The following ROBO2 variants were observed in gnomAD, a reference collection of about 807,000 sequenced individuals.
The protein encoded by ROBO2 is roundabout guidance receptor 2, also known as roundabout homolog 2.
Under a neutral mutation model 160.8 loss-of-function variants are expected in ROBO2, and 53 were observed. The observed-to-expected ratio is 0.33, with a 90% CI of 0.26 to 0.41. The LOEUF (loss-of-function observed/expected upper bound fraction) is 0.41. Among genes scored for constraint, ROBO2 ranks in the 10% least tolerant of loss-of-function variants. The pLI is 1.00. For missense variants in ROBO2, 1,577 were observed against 1,722.4 expected, an observed-to-expected ratio of 0.92 and a Z score of 1.49; for synonymous variants, 664 against 611.7, an observed-to-expected ratio of 1.09 and a Z score of -1.26.
chr3:77,079,609 GT>G (rs1206966738), intron 1 of ROBO2, among the ~76,000 whole-genome samples: 1 of 152,190 alleles, frequency 6.6e-6, no homozygotes, highest in Non-Finnish European at 1.5e-5. Flanking sequence ...TGTGAAAGTA[GT>G]TTACCATAGT....
At chr3:76,988,775 A>G (rs963077100) in intron 2 of ROBO2, among the ~76,000 whole-genome samples, 2 of 152,042 alleles carry the variant, frequency 1.3e-5, no homozygotes, top group African/African-American at 4.8e-5. Flanking sequence ...TCCTTTCTGA[A>G]CTGCAGTTTG....
At chr3:76,610,981 GA>G (rs1339804540) in intron 2 of ROBO2, among the ~76,000 whole-genome samples, 1 of 152,230 alleles carries the variant, frequency 6.6e-6, no homozygotes, top group African/African-American at 2.4e-5. Context: ...TCAGCTGTGA[GA>G]GGGGACCCGA....
At chr3:76,225,127 G>A (rs35493703) in intron 2 of ROBO2, among the ~76,000 whole-genome samples, 9,619 of 152,172 alleles carry the variant, frequency 0.063, 299 homozygotes, top group African/African-American at 0.073. Flanking sequence ...TGAATGAGAA[G>A]TTAATAGGAT....
intron 5 of ROBO2, among the ~76,000 whole-genome samples, chr3:77,517,083 G>T (rs552245935): frequency 6.6e-6 from 1 of 151,654 alleles, no homozygotes; most frequent in African/African-American, 2.4e-5. Context: ...AACAAAAGAT[G>T]TGGTAAAGAT....
intron 2 of ROBO2, among the ~76,000 whole-genome samples, chr3:76,026,349 A>G (rs2066745206): frequency 6.6e-6 from 1 of 151,960 alleles, no homozygotes; most frequent in African/African-American, 2.4e-5. Flanking sequence ...AAGAAATTTC[A>G]TTGCTGCACT....
rs2073492556 is a variant in ROBO2, at chr3:76,331,665, T to C, written c.109+394063T>C. The stretch of plus-strand genomic sequence containing the variant: ...TTTAGGGAAACATTAATATTTGTTA[T>C]TGTTCTATTTTAAGTAATATTTGAA... On this transcript the variant is annotated intron_variant, in intron 2 of 26. Transcript: ENST00000487694. 2.6e-5 allele frequency among the ~76,000 whole-genome samples: 4 copies of C among 151,316 alleles called. No individual in the cohort carries two copies. In the South Asian group the frequency reaches 6.3e-4, roughly 24 times the overall value.
intron 2 of ROBO2, among the ~76,000 whole-genome samples, chr3:76,485,030 C>A (rs895771359): frequency 6.6e-6 from 1 of 152,066 alleles, no homozygotes; most frequent in Non-Finnish European, 1.5e-5. Flanking sequence ...AGTCCCCAAC[C>A]TTTTTGGTAC....
chr3:75,925,666 C>G lies in ROBO2; in HGVS notation c.-13-11815C>G, dbSNP rs573395506. 4.6e-5 allele frequency among the ~76,000 whole-genome samples: 7 copies of G among 152,310 alleles called. 1 individual carries two copies. Among genetic ancestry groups the G allele is most frequent in the Admixed American group, 2.0e-4 (3 of 15,296 alleles). ...GACCAGAATATGAGGCAACTGGATA[C>G]TCAATTATAATTCAATTTCTACTCT... On this transcript the variant is annotated intron_variant, in intron 1 of 26. Coordinates refer to the ROBO2 transcript ENST00000487694.
At chr3:76,766,699 A>C (rs749978067) in intron 2 of ROBO2, among the ~76,000 whole-genome samples, 2 of 151,600 alleles carry the variant, frequency 1.3e-5, no homozygotes, top group African/African-American at 2.4e-5. Context: ...TTAACAACAA[A>C]GTTGGGGGTG....
intron 2 of ROBO2, among the ~76,000 whole-genome samples, chr3:77,365,726 A>C (rs1315147683): frequency 6.8e-6 from 1 of 147,726 alleles, no homozygotes; most frequent in East Asian, 2.1e-4. Context: ...ATTGTGAATC[A>C]CTTTCACATT....
chr3:76,686,585 G>A (rs1412245400), intron 2 of ROBO2, among the ~76,000 whole-genome samples: 2 of 152,042 alleles, frequency 1.3e-5, no homozygotes, highest in Non-Finnish European at 2.9e-5. Context: ...GAGGAGACTT[G>A]CAATACCCCA....
At chr3:76,328,075 C>A (rs572516564) in intron 2 of ROBO2, among the ~76,000 whole-genome samples, 1 of 152,206 alleles carries the variant, frequency 6.6e-6, no homozygotes, top group South Asian at 2.1e-4. Context: ...TTAATTGATT[C>A]TTTAAGAAGT....
At chr3:77,556,150 A>G (rs770752630) in intron 8 of ROBO2, among the ~76,000 whole-genome samples, 2 of 151,896 alleles carry the variant, frequency 1.3e-5, no homozygotes, top group Non-Finnish European at 2.9e-5. Context: ...ACTGCATTAA[A>G]AAATTACTCA....
chr3:77,040,638 T>C, exon 1 of ROBO2: 3 of 1,528,172 alleles, frequency 2.0e-6, no homozygotes, highest in South Asian at 2.5e-5. Context: ...CAACCCCTTC[T>C]GATCTTGCGA....
At chr3:77,021,186 G>A (rs1578308080) in intron 2 of ROBO2, among the ~76,000 whole-genome samples, 1 of 152,120 alleles carries the variant, frequency 6.6e-6, no homozygotes, top group East Asian at 1.9e-4. Context: ...GGGTGACAGA[G>A]CAAGACTGTC....
chr3:76,487,931 G>T (rs990120972), intron 2 of ROBO2, among the ~76,000 whole-genome samples: 3 of 152,124 alleles, frequency 2.0e-5, no homozygotes, highest in Non-Finnish European at 4.4e-5. Context: ...AGTTTAGCCT[G>T]CAAAGGTAGT....
chr3:76,275,989 C>T (rs35549532), intron 2 of ROBO2, among the ~76,000 whole-genome samples: 117,178 of 151,864 alleles, frequency 0.77, 47,894 homozygotes, highest in Non-Finnish European at 0.93. Context: ...ATCAAATATA[C>T]AATTTAAATA....
intron 2 of ROBO2, among the ~76,000 whole-genome samples, chr3:76,269,373 C>A (rs541918232): frequency 3.3e-5 from 5 of 151,998 alleles, no homozygotes; most frequent in Non-Finnish European, 4.4e-5. Context: ...CTTCTTGAAG[C>A]TCTTTCTTCT....
At chr3:75,912,268 A>C (rs1482804972) in intron 1 of ROBO2, among the ~76,000 whole-genome samples, 10 of 152,194 alleles carry the variant, frequency 6.6e-5, no homozygotes, top group African/African-American at 2.4e-4. Context: ...CATGCTTAAC[A>C]GTTTTATGCT....
Sources: gnomAD v4.1 joint callset for allele counts (sites outside exome capture counted in the v4.1 genomes callset) on GRCh38, gnomAD v4.1.1 for gene constraint, MANE v1.5 for transcripts, NCBI Gene and HGNC (gene_info 2026-07-23, HGNC 2026-07-21) for gene names.